The following CRAMP1 variants were observed in gnomAD, a reference collection of about 807,000 sequenced individuals.
CRAMP1 encodes the protein cramped chromatin regulator 1, also known as protein cramped-like.
Under a neutral mutation model 115.4 loss-of-function variants are expected in CRAMP1, and 50 were observed. That is an observed-to-expected ratio of 0.43 (90% CI 0.35 to 0.55). The LOEUF is 0.55. Among genes scored for constraint, CRAMP1 ranks in the 20% least tolerant of loss-of-function variants. The probability of loss-of-function intolerance (pLI) is 0.01; values close to 1 mark genes in which losing one functional copy is unlikely to be tolerated. For synonymous variants in CRAMP1, 866 were observed against 745.4 expected (o/e 1.16, Z -2.64); for missense variants, 1,679 against 1,721.7 (o/e 0.98, Z 0.44).
In CRAMP1 at chr16:1,656,631, T is replaced by C; in HGVS notation, c.1874T>C (p.Leu625Pro). 6.3e-7 allele frequency: 1 copy of C among 1,578,572 alleles called. No individual in the cohort carries two copies. The highest frequency in any genetic ancestry group is 8.6e-7 in the Non-Finnish European group (1 of 1,163,360). ...PSPRPGPGLL[L>P]DVCTKDLADA... ...CCGAGGCCCGGCCCCGGGCTCCTGC[T>C]GGATGTTTGCACTAAAGACTTGGCA... is the stretch of plus-strand genomic sequence containing the variant. The change falls in exon 10 of 21, where the codon CTG becomes CCG. Residue 625 changes from leucine to proline, a missense_variant. By Grantham distance (98) the Leu-to-Pro change is moderately conservative. Transcript: ENST00000397412. The surrounding 1 kb of genome is among the most constrained non-coding windows in gnomAD (Gnocchi z 5.6).
rs990934337 is a variant in CRAMP1 at position 1,612,473 on chromosome 16, C to T, written c.-186C>T. 2 of 151,246 alleles carry T rather than the reference C, an allele frequency of 1.3e-5. No homozygotes were observed. Among genetic ancestry groups the T allele is most frequent in the African/African-American group, 4.8e-5 (2 of 41,302 alleles). 9.4% of individuals were successfully genotyped at this position (151,246 alleles called of 1,614,324 possible). A position where few individuals can be genotyped will look rare whatever the true frequency, so the allele number is the denominator to read the frequency against. On this transcript the variant is annotated 5_prime_UTR_variant, in exon 1 of 21. Transcript: ENST00000397412. The stretch of plus-strand genomic sequence containing the variant: ...GCAGCCCCCGCAGCCGCGCGCCGGC[C>T]CGCGGAGGGGACGTGCCGGGGCTAG...
At position 1,666,120 on chromosome 16, in the gene CRAMP1, C is replaced by G. The variant is rs1379530094; in HGVS notation, c.2800C>G (p.Leu934Val). 6.2e-7 allele frequency: 1 copy of G among 1,612,322 alleles called. No homozygotes were observed. The highest frequency in any genetic ancestry group is 1.1e-5 in the South Asian group (1 of 90,540). The change falls in exon 15 of 21, where the codon CTG becomes GTG. Residue 934 changes from leucine (L) to valine (V), a missense_variant. This residue lies in a region of CRAMP1 where 709 missense variants were observed against 741.9 expected (regional missense o/e 0.96). Coordinates refer to ENST00000397412, the MANE Select transcript of CRAMP1 (RefSeq NM_020825.4). The surrounding 1 kb of genome is among the most constrained non-coding windows in gnomAD (Gnocchi z 5.0). ...CCAGTCTTCTCTGACCAAAGCAGCT[C>G]TGTCTCGGCCGATCGTGCCCAAGGT... ...PIQSSLTKAA[L>V]SRPIVPKVLP...
rs769085094 is a variant in CRAMP1 at position 1,669,256 on chromosome 16, C to A, written c.3499+91C>A. The A allele has an allele frequency of 5.0e-5, 50 of 1,001,390 alleles. No homozygotes were observed. Among genetic ancestry groups the A allele is most frequent in the Non-Finnish European group, 7.0e-5 (49 of 704,008 alleles). 62.0% of individuals were successfully genotyped at this position (1,001,390 alleles called of 1,614,324 possible). A position where few individuals can be genotyped will look rare whatever the true frequency, so the allele number is the denominator to read the frequency against. On this transcript the variant is annotated intron_variant, in intron 19 of 20. Transcript: ENST00000397412. The surrounding 1 kb of genome is among the most constrained non-coding windows in gnomAD (Gnocchi z 4.6). The stretch of plus-strand genomic sequence containing the variant: ...CTGGATTCTCATTCTACTCAAACTC[C>A]CACTAGGACTGTTGGCTTGTTCGCT...
At chr16:1,616,259 T>G (rs556651623) in intron 2 of CRAMP1, among the ~76,000 whole-genome samples, 2 of 152,236 alleles carry the variant, frequency 1.3e-5, no homozygotes, top group Non-Finnish European at 2.9e-5. Flanking sequence ...TAAGCTCATA[T>G]AAGCTCCATG....
intron 2 of CRAMP1, among the ~76,000 whole-genome samples, chr16:1,615,798 A>G (rs557768405): frequency 6.6e-6 from 1 of 152,042 alleles, no homozygotes; most frequent in Non-Finnish European, 1.5e-5. Flanking sequence ...TTTGTTTCCG[A>G]CCATGTTCGC....
In CRAMP1 at chr16:1,614,295, C is replaced by G. The variant is rs891640263; in HGVS notation, c.-1-344C>G. Among the ~76,000 whole-genome samples the G allele has an allele frequency of 4.8e-5, 7 of 146,058 alleles. No individual in the cohort carries two copies. The highest frequency in any genetic ancestry group is 1.7e-4 in the African/African-American group (7 of 40,644). ...ACCGTGCCCAGACCCGCGCCCGCGCCGGGGCTCCCATAGACCCCGGGGCCG... is the reference window on the plus strand; with the variant it reads ...ACCGTGCCCAGACCCGCGCCCGCGCGGGGGCTCCCATAGACCCCGGGGCCG... On this transcript the variant is annotated intron_variant, in intron 1 of 20. Transcript: ENST00000397412. The surrounding 1 kb of genome is among the most constrained non-coding windows in gnomAD (Gnocchi z 4.4).
At chr16:1,644,448 G>A (rs2036657210) in intron 6 of CRAMP1, among the ~76,000 whole-genome samples, 1 of 152,228 alleles carries the variant, frequency 6.6e-6, no homozygotes, top group Admixed American at 6.5e-5. Flanking sequence ...GGCAGCTGAT[G>A]CATGTCCATT....
At chr16:1,649,137 C>T (rs2036701613) in intron 6 of CRAMP1, among the ~76,000 whole-genome samples, 1 of 151,896 alleles carries the variant, frequency 6.6e-6, no homozygotes, top group African/African-American at 2.4e-5. Flanking sequence ...TCCCTCAAGA[C>T]AGAAAATCTG....
Position 1,655,943 on chromosome 16 carries a change from C to T in CRAMP1, c.1186C>T (p.Leu396=). ...CGCACCGATGCAGGAGAAGGTGACACTGCACTTGTTCCCAGGCGAGAACTG... is the reference window on the plus strand; with the variant it reads ...CGCACCGATGCAGGAGAAGGTGACATTGCACTTGTTCCCAGGCGAGAACTG... ...CSAPMQEKVT[L]HLFPGENCTL... Residue 396 remains leucine, a synonymous_variant, in exon 10 of 21, where the codon CTG becomes TTG. Transcript: ENST00000397412. 1 of 1,613,180 alleles carries T rather than the reference C, an allele frequency of 6.2e-7. No individual in the cohort carries two copies. The highest frequency in any genetic ancestry group is 1.6e-4 in the Middle Eastern group (1 of 6,062).
intron 6 of CRAMP1, among the ~76,000 whole-genome samples, chr16:1,650,299 A>G (rs1346012172): frequency 6.6e-6 from 1 of 152,218 alleles, no homozygotes; most frequent in Non-Finnish European, 1.5e-5. Context: ...TGTCTCCATT[A>G]GACGCCCTCA....
At chr16:1,636,718 A>G (rs1300025246) in intron 4 of CRAMP1, among the ~76,000 whole-genome samples, 1 of 152,208 alleles carries the variant, frequency 6.6e-6, no homozygotes, top group East Asian at 1.9e-4. Flanking sequence ...ACAAAATGCA[A>G]AATAGCAGTG....
chr16:1,642,108 A>G (rs1445149832), intron 6 of CRAMP1, among the ~76,000 whole-genome samples: 1 of 152,290 alleles, frequency 6.6e-6, no homozygotes, highest in Admixed American at 6.5e-5. Context: ...GGTCTGCACA[A>G]CCAGCCCCGA....
Position 1,641,871 on chromosome 16 carries a change from C to G in CRAMP1, c.827+684C>G, listed in dbSNP as rs552832943. ...CTCCGCAGCCTGGGGGTCTCCACTC[C>G]GCAGCCTGGGGGGTCCCCACTCTGG... On this transcript the variant is annotated intron_variant, in intron 6 of 20. Transcript: ENST00000397412. Among the ~76,000 whole-genome samples the G allele has an allele frequency of 2.8e-4, 42 of 151,412 alleles. No individual in the cohort carries two copies. The East Asian group carries it at 7.2e-3, about 26-fold the overall frequency.
chr16:1,670,746 C>T lies in CRAMP1; in HGVS notation c.3582C>T (p.Pro1194=), dbSNP rs57497763. The part of the protein sequence containing the change: ...GTNSGTSLLG[P]SLLDGNSRDS... The stretch of plus-strand genomic sequence containing the variant: ...ACAGTGGCACTTCCTTGCTTGGCCC[C>T]AGCTTGTTGGATGGAAACTCGCGGG... The change falls in exon 20 of 21, where the codon CCC becomes CCT. Residue 1194 remains proline (P), a synonymous_variant. Coordinates refer to ENST00000397412, the MANE Select transcript of CRAMP1 (RefSeq NM_020825.4). 1,153 of 1,614,038 alleles carry T rather than the reference C, an allele frequency of 7.1e-4. 11 individuals are homozygous for T. In the African/African-American group the frequency reaches 0.013, roughly 19 times the overall value.
chr16:1,644,090 A>T (rs548323819), intron 6 of CRAMP1, among the ~76,000 whole-genome samples: 22 of 152,282 alleles, frequency 1.4e-4, no homozygotes, highest in East Asian at 5.8e-4. Context: ...GTAGCCAAGG[A>T]TTTTGGCAAA....
intron 9 of CRAMP1, 45 bp from the exon 10 acceptor site, chr16:1,655,832 G>A (rs754865101): frequency 7.2e-5 from 113 of 1,567,838 alleles, no homozygotes; most frequent in East Asian, 4.3e-4. Flanking sequence ...TCAGCATCCC[G>A]ACCTCAGTGC....
Position 1,666,027 on chromosome 16 carries a change from A to G in CRAMP1, c.2753-46A>G. 7.6e-7 allele frequency: 1 copy of G among 1,317,120 alleles called. No homozygotes were observed. Among genetic ancestry groups the G allele is most frequent in the Non-Finnish European group, 1.1e-6 (1 of 933,592 alleles). The allele number at this position is 1,317,120 out of a possible 1,614,324, so 81.6% of individuals were successfully genotyped here. A position where few individuals can be genotyped will look rare whatever the true frequency, so the allele number is the denominator to read the frequency against. ...TGCGGCCACATCCTGCTGTGAGGGCATGGCGGGCGGGCTCGACATGTCTGC... is the reference window on the plus strand; with the variant it reads ...TGCGGCCACATCCTGCTGTGAGGGCGTGGCGGGCGGGCTCGACATGTCTGC... On this transcript the variant is annotated intron_variant, in intron 14 of 20. Coordinates refer to ENST00000397412, the MANE Select transcript of CRAMP1 (RefSeq NM_020825.4). The surrounding 1 kb of genome is among the most constrained non-coding windows in gnomAD (Gnocchi z 5.0).
At chr16:1,621,929 GTC>G (rs1056494261) in intron 2 of CRAMP1, among the ~76,000 whole-genome samples, 2 of 152,014 alleles carry the variant, frequency 1.3e-5, no homozygotes, top group Admixed American at 6.6e-5. Flanking sequence ...TTACCTTTCC[GTC>G]TCTTGCCTTT....
chr16:1,615,167 G>A (rs1012597414), intron 2 of CRAMP1, among the ~76,000 whole-genome samples, 182 bp downstream of exon 2: 3 of 152,228 alleles, frequency 2.0e-5, no homozygotes, highest in Non-Finnish European at 4.4e-5. Context: ...AAGAGGCTGC[G>A]ACTTTCTATA....
Sources: allele counts gnomAD v4.1 joint callset (sites outside exome capture counted in the v4.1 genomes callset), GRCh38; gene constraint gnomAD v4.1.1; regional missense constraint gnomAD v4.1.1; non-coding constraint Gnocchi (gnomAD v3.1); transcripts MANE v1.5; gene names NCBI Gene and HGNC (gene_info 2026-07-23, HGNC 2026-07-21).